FBXW8: variants seen among roughly 807,000 people sequenced by gnomAD.
FBXW8 encodes the protein F-box/WD repeat-containing protein 8.
A neutral mutation model predicts 65.3 loss-of-function variants in FBXW8; 57 were observed. The observed-to-expected ratio is 0.87, with a 90% CI of 0.71 to 1.09. The LOEUF (loss-of-function observed/expected upper bound fraction) is 1.09, where lower values mean the gene tolerates loss of function less well. Ranked by LOEUF, FBXW8 falls within the 50% of genes least tolerant of loss-of-function variation. The probability of loss-of-function intolerance (pLI) is 0.00; values close to 1 mark genes in which losing one functional copy is unlikely to be tolerated. For synonymous variants in FBXW8, 308 were observed against 330.2 expected (o/e 0.93, Z 0.73); for missense variants, 777 against 814.8 (o/e 0.95, Z 0.57).
intron 8 of FBXW8, among the ~76,000 whole-genome samples, chr12:117,019,183 T>C (rs1954029206): frequency 6.6e-6 from 1 of 152,218 alleles, no homozygotes; most frequent in Non-Finnish European, 1.5e-5. Flanking sequence ...CACTGGCAAG[T>C]CAGGGACTGA....
chr12:116,991,215 T>G (rs1953232432), intron 7 of FBXW8, among the ~76,000 whole-genome samples: 1 of 152,222 alleles, frequency 6.6e-6, no homozygotes. Context: ...TGTGTTGAGA[T>G]GTTTCTCCAA....
intron 7 of FBXW8, among the ~76,000 whole-genome samples, chr12:116,991,890 C>G (rs548819268): frequency 2.0e-5 from 3 of 152,330 alleles, no homozygotes; most frequent in African/African-American, 7.2e-5. Context: ...AATATTCTTA[C>G]ACCGTATGAT....
At chr12:117,018,695 T>C (rs1479413466) in intron 8 of FBXW8, among the ~76,000 whole-genome samples, 1 of 152,160 alleles carries the variant, frequency 6.6e-6, no homozygotes, top group Non-Finnish European at 1.5e-5. Context: ...TTTGGCCTAT[T>C]TTTTTTTCCT....
chr12:116,996,717 G>C (rs1953387637), intron 7 of FBXW8, among the ~76,000 whole-genome samples: 1 of 152,102 alleles, frequency 6.6e-6, no homozygotes, highest in African/African-American at 2.4e-5. Context: ...AACTCGTGGA[G>C]ACCAGTTTTC....
rs1565951165 is a variant in FBXW8, at chr12:117,029,610, TTTTG to T, written c.*1442_*1445del. ...AGTTAGTTAATATAAAGCCAGAAGGTTTTGTTTTTTTTCAGGTGGGGTCTCGCTC... is the reference window on the plus strand; with the variant it reads ...AGTTAGTTAATATAAAGCCAGAAGGTTTTTTTTTCAGGTGGGGTCTCGCTC... On this transcript the variant is annotated 3_prime_UTR_variant, in exon 11 of 11. Transcript: ENST00000652555. The T allele has an allele frequency of 2.0e-5, 3 of 151,790 alleles. No individual in the cohort carries two copies. Among genetic ancestry groups the T allele is most frequent in the Admixed American group, 6.6e-5 (1 of 15,242 alleles). The allele number at this position is 151,790 out of a possible 1,614,324, so 9.4% of individuals were successfully genotyped here.
intron 3 of FBXW8, 125 bp from the exon 4 acceptor site, chr12:116,949,493 C>A: frequency 1.3e-6 from 1 of 791,964 alleles, no homozygotes; most frequent in Non-Finnish European, 2.2e-6. Context: ...GCCCATGGAA[C>A]TTTGAATGCA....
At chr12:117,026,155 G>A (rs897201806) in intron 9 of FBXW8, among the ~76,000 whole-genome samples, 1 of 152,236 alleles carries the variant, frequency 6.6e-6, no homozygotes, top group African/African-American at 2.4e-5. Flanking sequence ...CTTCAGCCCA[G>A]GTCCTCGCCT....
chr12:116,943,738 T>A (rs1031948755), intron 2 of FBXW8, among the ~76,000 whole-genome samples: 1 of 152,224 alleles, frequency 6.6e-6, no homozygotes, highest in Admixed American at 6.5e-5. Flanking sequence ...CAGGAATATA[T>A]TGGAGCCTTT....
intron 2 of FBXW8, among the ~76,000 whole-genome samples, chr12:116,929,597 A>G (rs1881614419): frequency 6.6e-6 from 1 of 152,146 alleles, no homozygotes; most frequent in East Asian, 1.9e-4. Flanking sequence ...AGTTATATAT[A>G]TGTATCAGGT....
intron 2 of FBXW8, among the ~76,000 whole-genome samples, chr12:116,933,414 A>G (rs555836373): frequency 5.3e-5 from 8 of 152,350 alleles, no homozygotes; most frequent in Admixed American, 1.3e-4. Context: ...AGAGTTTATC[A>G]GAGAAAGATA....
intron 8 of FBXW8, among the ~76,000 whole-genome samples, chr12:117,016,609 A>G (rs1953952688): frequency 6.7e-6 from 1 of 148,826 alleles, no homozygotes; most frequent in Admixed American, 6.7e-5. Flanking sequence ...GAAGCACACA[A>G]GTTTTCAATT....
chr12:116,985,973 G>A (rs1359416928), intron 6 of FBXW8: 1 of 152,364 alleles, frequency 6.6e-6, no homozygotes, highest in African/African-American at 2.4e-5. Flanking sequence ...TCTTTATGTC[G>A]AGCTTATTTC....
chr12:116,989,138 A>G (rs1021886536), intron 7 of FBXW8, among the ~76,000 whole-genome samples: 1 of 152,220 alleles, frequency 6.6e-6, no homozygotes, highest in African/African-American at 2.4e-5. Context: ...ATATAGGTAC[A>G]TTTGTATACT....
chr12:116,969,085 G>A (rs1262345140), intron 5 of FBXW8, among the ~76,000 whole-genome samples: 2 of 152,108 alleles, frequency 1.3e-5, no homozygotes, highest in Non-Finnish European at 2.9e-5. Context: ...CAGTTGGTCT[G>A]TCTGGCAGCT....
At chr12:116,945,758 A>G (rs1882890133) in intron 3 of FBXW8, among the ~76,000 whole-genome samples, 1 of 152,178 alleles carries the variant, frequency 6.6e-6, no homozygotes, top group African/African-American at 2.4e-5. Flanking sequence ...GCAGGAGAGG[A>G]AGGGTGAGAT....
chr12:116,975,034 A>C (rs1035871037), intron 5 of FBXW8, among the ~76,000 whole-genome samples: 1 of 152,242 alleles, frequency 6.6e-6, no homozygotes, highest in African/African-American at 2.4e-5. Context: ...ATGGATAATT[A>C]ATTACCCATG....
At chr12:117,015,028 C>A (rs1398361288) in intron 8 of FBXW8, among the ~76,000 whole-genome samples, 1 of 152,162 alleles carries the variant, frequency 6.6e-6, no homozygotes, top group African/African-American at 2.4e-5. Flanking sequence ...TGGGGCACAG[C>A]CACAAGAAAG....
At chr12:116,924,370 C>A (rs983463740) in intron 1 of FBXW8, among the ~76,000 whole-genome samples, 11 of 151,980 alleles carry the variant, frequency 7.2e-5, no homozygotes, top group Non-Finnish European at 7.4e-5. Context: ...TGTATATTGA[C>A]CAAATCAGGG....
intron 2 of FBXW8, among the ~76,000 whole-genome samples, chr12:116,943,238 C>G (rs760305395): frequency 5.3e-5 from 8 of 152,046 alleles, no homozygotes; most frequent in Non-Finnish European, 8.8e-5. Flanking sequence ...TGCCTTTTCC[C>G]CTGTGTATGG....
Sources: gnomAD v4.1 joint callset for allele counts (sites outside exome capture counted in the v4.1 genomes callset) on GRCh38, gnomAD v4.1.1 for gene constraint, MANE v1.5 for transcripts, NCBI Gene and HGNC (gene_info 2026-07-23, HGNC 2026-07-21) for gene names.